The following ERGIC1 variants were observed in gnomAD, a reference collection of about 807,000 sequenced individuals.
The protein encoded by ERGIC1 is endoplasmic reticulum-Golgi intermediate compartment protein 1.
Under a neutral mutation model 38.3 loss-of-function variants are expected in ERGIC1, and 19 were observed. The observed-to-expected ratio is 0.50, with a 90% CI of 0.35 to 0.73. The LOEUF is 0.73. Ranked by LOEUF, ERGIC1 falls within the 30% of genes least tolerant of loss-of-function variation. The probability of loss-of-function intolerance (pLI) is 0.01; values close to 1 mark genes in which losing one functional copy is unlikely to be tolerated. For synonymous variants in ERGIC1, 124 were observed against 157.6 expected (o/e 0.79, Z 1.60); for missense variants, 294 against 389.2 (o/e 0.76, Z 2.06).
intron 2 of ERGIC1, among the ~76,000 whole-genome samples, chr5:172,895,642 A>G (rs1762704457): frequency 1.3e-5 from 2 of 152,138 alleles, no homozygotes; most frequent in South Asian, 4.1e-4. Flanking sequence ...GAGGCTGGGA[A>G]CACAGACAAA....
At chr5:172,921,828 C>T (rs1763527765) in intron 5 of ERGIC1, among the ~76,000 whole-genome samples, 1 of 152,252 alleles carries the variant, frequency 6.6e-6, no homozygotes, top group Non-Finnish European at 1.5e-5. Context: ...ATGCTGTTCC[C>T]TCTGCCCAGA....
intron 3 of ERGIC1, among the ~76,000 whole-genome samples, chr5:172,898,855 A>G (rs148753105): frequency 3.5e-4 from 54 of 152,204 alleles, no homozygotes; most frequent in South Asian, 3.1e-3. Context: ...CAAGTCAAGC[A>G]TCTTCCCCTC....
intron 9 of ERGIC1, among the ~76,000 whole-genome samples, chr5:172,947,326 G>A (rs939213287): frequency 1.3e-5 from 2 of 152,174 alleles, no homozygotes; most frequent in Non-Finnish European, 2.9e-5. Flanking sequence ...TGGGACTACA[G>A]CCACCACACC....
At chr5:172,925,079 A>C (rs1048809266) in intron 6 of ERGIC1, among the ~76,000 whole-genome samples, 20 of 152,124 alleles carry the variant, frequency 1.3e-4, no homozygotes, top group African/African-American at 4.3e-4. Flanking sequence ...CTCTACTAAA[A>C]ATACAAAAAT....
At chr5:172,902,665 G>C (rs1187209868) in intron 3 of ERGIC1, among the ~76,000 whole-genome samples, 1 of 152,134 alleles carries the variant, frequency 6.6e-6, no homozygotes, top group Non-Finnish European at 1.5e-5. Flanking sequence ...ACATCCACCT[G>C]GTTGGTAATA....
intron 1 of ERGIC1, among the ~76,000 whole-genome samples, chr5:172,850,431 C>A (rs1487984755): frequency 6.6e-6 from 1 of 151,878 alleles, no homozygotes. Flanking sequence ...TTTGGCTGTT[C>A]TAGAGGCACT....
At chr5:172,919,101 G>A (rs976007520) in intron 5 of ERGIC1, among the ~76,000 whole-genome samples, 3 of 152,178 alleles carry the variant, frequency 2.0e-5, no homozygotes, top group Non-Finnish European at 2.9e-5. Flanking sequence ...CATGCTCCCC[G>A]CCGTTGGTGG....
chr5:172,900,190 C>T (rs190137011), intron 3 of ERGIC1, among the ~76,000 whole-genome samples: 15 of 152,246 alleles, frequency 9.9e-5, no homozygotes, highest in African/African-American at 3.6e-4. Flanking sequence ...CAGGTGGGGC[C>T]CCACCCGCAG....
chr5:172,899,611 G>A lies in ERGIC1; in HGVS notation c.155+2537G>A, dbSNP rs180972766. The stretch of plus-strand genomic sequence containing the variant: ...TGGGATTACAGGCGTGAGCCACTGC[G>A]CCTAGCCTGGGACTCACTTCTTGAT... On this transcript the variant is annotated intron_variant, in intron 3 of 9. Coordinates refer to ENST00000393784, the MANE Select transcript of ERGIC1 (RefSeq NM_001031711.3). Among the ~76,000 whole-genome samples the A allele has an allele frequency of 2.5e-3, 384 of 152,162 alleles. 2 individuals are homozygous for A. Among genetic ancestry groups the A allele is most frequent in the Non-Finnish European group, 6.3e-4 (43 of 67,996 alleles).
chr5:172,898,132 C>T, intron 3 of ERGIC1: 1 of 376,180 alleles, frequency 2.7e-6, no homozygotes, highest in Non-Finnish European at 4.7e-6. Context: ...CACCCACTCT[C>T]CTGCTCAACA....
At chr5:172,929,935 C>T (rs981917188) in intron 7 of ERGIC1, among the ~76,000 whole-genome samples, 30 of 152,178 alleles carry the variant, frequency 2.0e-4, no homozygotes, top group Non-Finnish European at 3.7e-4. Context: ...CGCCTGTAAT[C>T]CCAGCACTTT....
intron 9 of ERGIC1, among the ~76,000 whole-genome samples, chr5:172,942,128 A>C (rs1764023448): frequency 6.6e-6 from 1 of 152,146 alleles, no homozygotes; most frequent in Admixed American, 6.5e-5. Flanking sequence ...TTGAACCAGG[A>C]GGTTGCAGTG....
chr5:172,906,158 A>G, intron 3 of ERGIC1: 1 of 456,122 alleles, frequency 2.2e-6, no homozygotes. Context: ...TGGGGCCAAC[A>G]CTACAAGCAA....
At chr5:172,944,639 G>A (rs1001058634) in intron 9 of ERGIC1, among the ~76,000 whole-genome samples, 5 of 152,222 alleles carry the variant, frequency 3.3e-5, no homozygotes, top group Admixed American at 6.5e-5. Context: ...GATTACAGGC[G>A]TGAGCCGCCG....
At chr5:172,839,580 TACAC>T (rs149002147) in intron 1 of ERGIC1, among the ~76,000 whole-genome samples, 2 of 149,812 alleles carry the variant, frequency 1.3e-5, no homozygotes, top group African/African-American at 4.9e-5. Context: ...CACACACACA[TACAC>T]ACACACACAC....
intron 7 of ERGIC1, among the ~76,000 whole-genome samples, chr5:172,927,603 G>T (rs1434138897): frequency 1.4e-5 from 2 of 143,824 alleles, no homozygotes. Context: ...TTTTTGAGAC[G>T]GAGTCTTACT....
At chr5:172,923,127 C>A (rs1008723112) in intron 5 of ERGIC1, among the ~76,000 whole-genome samples, 2 of 115,396 alleles carry the variant, frequency 1.7e-5, no homozygotes, top group African/African-American at 6.6e-5. Context: ...CTAGTCTGAG[C>A]ATCTGGGAGG....
At chr5:172,851,875 G>A (rs1038114672) in intron 1 of ERGIC1, among the ~76,000 whole-genome samples, 4 of 152,090 alleles carry the variant, frequency 2.6e-5, no homozygotes, top group African/African-American at 2.4e-5. Flanking sequence ...CAAGAGTAAT[G>A]CGTTGTTAGT....
rs1561742772 is a variant in ERGIC1 at position 172,935,085 on chromosome 5, G to A, written c.643-103G>A. The A allele has an allele frequency of 3.9e-6, 6 of 1,550,562 alleles. No individual in the cohort carries two copies. In the East Asian group the frequency reaches 9.0e-5, roughly 23 times the overall value. ...TCTGGCTTCGTGGGGCAGAGAGGGAGGAAAGCCCTTTCTGGAGGGTTGCTG... is the reference window on the plus strand; with the variant it reads ...TCTGGCTTCGTGGGGCAGAGAGGGAAGAAAGCCCTTTCTGGAGGGTTGCTG... On this transcript the variant is annotated intron_variant, in intron 8 of 9. Transcript: ENST00000393784.
Sources: allele counts gnomAD v4.1 joint callset (sites outside exome capture counted in the v4.1 genomes callset), GRCh38; gene constraint gnomAD v4.1.1; transcripts MANE v1.5; gene names NCBI Gene and HGNC (gene_info 2026-07-23, HGNC 2026-07-21).